Variants in ZNF136 observed in about 807,000 individuals in gnomAD.
The protein encoded by ZNF136 is zinc finger protein 136.
ZNF136 carries 8 observed loss-of-function variants against 11.4 expected under a neutral mutation model. The ratio of observed to expected loss-of-function variants is 0.70; its 90% CI spans 0.41 to 1.27. The LOEUF (loss-of-function observed/expected upper bound fraction) is 1.27. Among genes scored for constraint, ZNF136 ranks in the 50% most tolerant of loss-of-function variants. ZNF136 has a pLI of 0.01. For synonymous variants in ZNF136, 190 were observed against 207.1 expected (o/e 0.92, Z 0.71); for missense variants, 590 against 656.5 (o/e 0.90, Z 1.11).
intron 1 of ZNF136, among the ~76,000 whole-genome samples, chr19:12,173,325 G>C (rs1444860688): frequency 6.6e-6 from 1 of 152,020 alleles, no homozygotes; most frequent in Admixed American, 6.6e-5. Flanking sequence ...CAGTTCTACG[G>C]GGTGTTCCAT....
At chr19:12,167,801 TAC>T (rs772659644) in intron 1 of ZNF136, among the ~76,000 whole-genome samples, 6 of 152,200 alleles carry the variant, frequency 3.9e-5, no homozygotes, top group Non-Finnish European at 8.8e-5. Flanking sequence ...TCCCAATTTG[TAC>T]AGTTTATTCT....
chr19:12,176,027 G>A (rs1914782042), intron 1 of ZNF136, among the ~76,000 whole-genome samples: 1 of 152,084 alleles, frequency 6.6e-6, no homozygotes, highest in South Asian at 2.1e-4. Context: ...TTTATTTTTA[G>A]TACCTCCATT....
chr19:12,187,542 A>G lies in ZNF136; in HGVS notation c.1164A>G (p.Gly388=). ...GAAGACACATGATAAAACATACTGG[A>G]GAAGGACCTTATAAATGTAAGGTAT... ...SMRRHMIKHT[G]EGPYKCKVCG... The change falls in exon 4 of 4, where the codon GGA becomes GGG. Residue 388 remains glycine (G), a synonymous_variant. Coordinates refer to ENST00000343979, the MANE Select transcript of ZNF136 (RefSeq NM_003437.5). The G allele has an allele frequency of 6.2e-7, 1 of 1,613,922 alleles. No homozygotes were observed. The highest frequency in any genetic ancestry group is 1.1e-5 in the South Asian group (1 of 91,050).
At position 12,186,147 on chromosome 19, in the gene ZNF136, A is replaced by C. The variant is rs138570223; in HGVS notation, c.164A>C (p.His55Pro). 10 of 1,611,546 alleles carry C rather than the reference A, an allele frequency of 6.2e-6. No homozygotes were observed. The highest frequency in any genetic ancestry group is 1.3e-5 in the African/African-American group (1 of 74,956). ...TGGAAGGACCAGAACATTAAAGATCACTACAAACACCGAGGGAGAAATCTA... is the reference window on the plus strand; with the variant it reads ...TGGAAGGACCAGAACATTAAAGATCCCTACAAACACCGAGGGAGAAATCTA... ...KKWKDQNIKD[H>P]YKHRGRNLRS... is the part of the protein sequence containing the mutation. Residue 55 changes from histidine (H) to proline (P), a missense_variant, in exon 3 of 4, where the codon CAC becomes CCC. Coordinates refer to ENST00000343979, the MANE Select transcript of ZNF136 (RefSeq NM_003437.5).
At chr19:12,183,563 CTAT>C (rs1915001611) in intron 1 of ZNF136, among the ~76,000 whole-genome samples, 1 of 145,998 alleles carries the variant, frequency 6.8e-6, no homozygotes, top group Non-Finnish European at 1.5e-5. Context: ...ATCTATCTAT[CTAT>C]CTATCTATCT....
intron 1 of ZNF136, among the ~76,000 whole-genome samples, chr19:12,165,477 G>T (rs1416636330): frequency 6.6e-6 from 1 of 152,182 alleles, no homozygotes; most frequent in Non-Finnish European, 1.5e-5. Flanking sequence ...ATTTCAGGGG[G>T]AAAGAGATTA....
intron 1 of ZNF136, among the ~76,000 whole-genome samples, chr19:12,171,296 T>A (rs539572005): frequency 1.3e-5 from 2 of 152,126 alleles, no homozygotes; most frequent in African/African-American, 4.8e-5. Context: ...AAGTTTTTTA[T>A]ACATTGGAAA....
chr19:12,174,736 C>T (rs564055748), intron 1 of ZNF136, among the ~76,000 whole-genome samples: 2 of 151,424 alleles, frequency 1.3e-5, no homozygotes, highest in East Asian at 1.9e-4. Flanking sequence ...CCCAGGTCCA[C>T]GCCATTCTCC....
chr19:12,163,270 G>A (rs909037746), intron 1 of ZNF136, 64 bp downstream of exon 1: 2 of 1,344,892 alleles, frequency 1.5e-6, no homozygotes, highest in East Asian at 5.6e-5. Flanking sequence ...ACCGGAACTG[G>A]CTGTGGCGCG....
intron 1 of ZNF136, among the ~76,000 whole-genome samples, chr19:12,168,798 C>T (rs1466095002): frequency 6.6e-6 from 1 of 151,966 alleles, no homozygotes; most frequent in Non-Finnish European, 1.5e-5. Context: ...GCCTCAGCCG[C>T]CCAAGTAGCT....
rs764436098 is a variant in ZNF136, at chr19:12,185,872, G to C, written c.91G>C (p.Asp31His). 6.2e-7 allele frequency: 1 copy of C among 1,613,980 alleles called. No homozygotes were observed. Among genetic ancestry groups the C allele is most frequent in the Non-Finnish European group, 8.5e-7 (1 of 1,179,982 alleles). Residue 31 changes from aspartate (D) to histidine (H), a missense_variant, in exon 2 of 4, where the codon GAT (aspartate) becomes CAT (histidine). Coordinates refer to ENST00000343979, the MANE Select transcript of ZNF136 (RefSeq NM_003437.5). ...LDPSQKNLYR[D>H]VMWETMRNLA... Reference sequence around the variant, plus strand: ...TCCTTCCCAGAAGAATCTCTACAGAGATGTGATGTGGGAAACCATGAGGAA... The same window carrying C: ...TCCTTCCCAGAAGAATCTCTACAGACATGTGATGTGGGAAACCATGAGGAA...
At position 12,163,185 on chromosome 19, in the gene ZNF136, G is replaced by T; in HGVS notation, c.-19G>T. 7.1e-7 allele frequency: 1 copy of T among 1,403,424 alleles called. No homozygotes were observed. The highest frequency in any genetic ancestry group is 9.3e-7 in the Non-Finnish European group (1 of 1,071,936). The allele number at this position is 1,403,424 out of a possible 1,614,324, so 86.9% of individuals were successfully genotyped here. ...TTGGGATCCGGAGGGAGGAAGCTGG[G>T]ACACCCGGGAGTCAGGAAATGGTGA... is the stretch of plus-strand genomic sequence containing the variant. On this transcript the variant is annotated 5_prime_UTR_variant, in exon 1 of 4. Coordinates refer to ENST00000343979, the MANE Select transcript of ZNF136 (RefSeq NM_003437.5).
At chr19:12,170,867 C>T (rs962237278) in intron 1 of ZNF136, among the ~76,000 whole-genome samples, 20 of 149,638 alleles carry the variant, frequency 1.3e-4, no homozygotes, top group Admixed American at 1.3e-3. Flanking sequence ...CGGAGTTTCA[C>T]TCTTGTTGCC....
At chr19:12,165,111 C>G (rs151063580) in intron 1 of ZNF136, among the ~76,000 whole-genome samples, 16 of 152,256 alleles carry the variant, frequency 1.1e-4, no homozygotes, top group African/African-American at 3.9e-4. Flanking sequence ...TGATTCCTGT[C>G]CTTTGTATTC....
chr19:12,164,874 A>G (rs1361932221), intron 1 of ZNF136: 1 of 152,224 alleles, frequency 6.6e-6, no homozygotes, highest in Non-Finnish European at 1.5e-5. Context: ...TATTGCCACA[A>G]GTAGGTATAA....
chr19:12,180,217 C>G (rs1033516899), intron 1 of ZNF136, among the ~76,000 whole-genome samples: 6 of 152,278 alleles, frequency 3.9e-5, no homozygotes, highest in African/African-American at 1.4e-4. Flanking sequence ...TAGGCTAATG[C>G]CTCTAGGAAA....
At chr19:12,177,464 T>C (rs918188171) in intron 1 of ZNF136, among the ~76,000 whole-genome samples, 1 of 152,220 alleles carries the variant, frequency 6.6e-6, no homozygotes, top group Non-Finnish European at 1.5e-5. Flanking sequence ...TTCTCCTGCC[T>C]CAGCCTCCTG....
chr19:12,186,895 T>A lies in ZNF136; in HGVS notation c.517T>A (p.Cys173Ser). The change falls in exon 4 of 4, where the codon TGT becomes AGT. Residue 173 changes from cysteine (C) to serine (S), a missense_variant. Physicochemically the swap from Cys to Ser is moderately radical, Grantham distance 112 (BLOSUM62 -1). Coordinates refer to ENST00000343979, the MANE Select transcript of ZNF136 (RefSeq NM_003437.5). ...AGAGAAACTCTATGATTGTAAGGAA[T>A]GTGGAAAAACCTTCTTTTCTCTCAA... ...TGEKLYDCKE[C>S]GKTFFSLKRI... 1 of 1,613,936 alleles carries A rather than the reference T, an allele frequency of 6.2e-7. No homozygotes were observed. The highest frequency in any genetic ancestry group is 8.5e-7 in the Non-Finnish European group (1 of 1,179,972).
At position 12,172,578 on chromosome 19, in the gene ZNF136, C is replaced by G. The variant is rs117666111; in HGVS notation, c.3+9372C>G. 6.7e-3 allele frequency among the ~76,000 whole-genome samples: 1,015 copies of G among 152,282 alleles called. 24 individuals are homozygous for G. Among genetic ancestry groups the G allele is most frequent in the Admixed American group, 0.042 (636 of 15,282 alleles). ...TCTATTAGTGGCTAATAAACACTAC[C>G]ACTCTGTTCCTACCAAGAGAGCCCC... On this transcript the variant is annotated intron_variant, in intron 1 of 3. Transcript: ENST00000343979.
Sources: gnomAD v4.1 joint callset for allele counts (sites outside exome capture counted in the v4.1 genomes callset) on GRCh38, gnomAD v4.1.1 for gene constraint, MANE v1.5 for transcripts, NCBI Gene and HGNC (gene_info 2026-07-23, HGNC 2026-07-21) for gene names.